EPHA6: variants seen among roughly 807,000 people sequenced by gnomAD.
EPHA6 encodes ephrin type-A receptor 6.
A neutral mutation model predicts 112.0 loss-of-function variants in EPHA6; 50 were observed. The observed-to-expected ratio is 0.45, with a 90% CI of 0.36 to 0.56. The LOEUF (loss-of-function observed/expected upper bound fraction) is 0.56. Among genes scored for constraint, EPHA6 ranks in the 20% least tolerant of loss-of-function variants. The probability of loss-of-function intolerance (pLI) is 0.00; values close to 1 mark genes in which losing one functional copy is unlikely to be tolerated. For synonymous variants in EPHA6, 529 were observed against 490.7 expected (o/e 1.08, Z -1.03); for missense variants, 1,280 against 1,417.4 (o/e 0.90, Z 1.56).
intron 5 of EPHA6, among the ~76,000 whole-genome samples, chr3:97,275,347 C>T (rs938793338): frequency 7.9e-5 from 12 of 151,044 alleles, no homozygotes; most frequent in East Asian, 4.1e-4. Context: ...TGTGAAGCCT[C>T]GTGGCAGTAC....
intron 5 of EPHA6, among the ~76,000 whole-genome samples, chr3:97,365,557 T>A (rs1183477285): frequency 1.3e-5 from 2 of 152,034 alleles, no homozygotes; most frequent in African/African-American, 4.8e-5. Context: ...AATTTTTGTA[T>A]TTTTGTATTT....
intron 5 of EPHA6, among the ~76,000 whole-genome samples, chr3:97,267,180 C>T (rs1020177761): frequency 9.2e-5 from 14 of 152,004 alleles, no homozygotes; most frequent in East Asian, 3.9e-4. Flanking sequence ...GAAAAAGTAA[C>T]GAACTGTTTC....
At position 97,502,832 on chromosome 3, in the gene EPHA6, C is replaced by CAAAA. The variant is rs397990595; in HGVS notation, c.2200+18798_2200+18801dup. Among the ~76,000 whole-genome samples, 88 of 35,890 alleles carry CAAAA rather than the reference C, an allele frequency of 2.5e-3. 18 individuals carry two copies. Among genetic ancestry groups the CAAAA allele is most frequent in the African/African-American group, 7.1e-3 (73 of 10,258 alleles). 23.5% of individuals were successfully genotyped at this position (35,890 alleles called of 152,430 possible). On this transcript the variant is annotated intron_variant, in intron 10 of 17. Transcript: ENST00000389672. ...CTGGTAAAAGAGCAAGACTCTGTCT[C>CAAAA]AAAAAAAAAAAAAAAAAAAAAAAAA...
At chr3:96,830,267 C>G (rs79043327) in intron 1 of EPHA6, among the ~76,000 whole-genome samples, 4,355 of 152,082 alleles carry the variant, frequency 0.029, 215 homozygotes, top group African/African-American at 0.097. Context: ...GAGGATATTT[C>G]CCTGAAAAAC....
intron 3 of EPHA6, among the ~76,000 whole-genome samples, chr3:97,209,592 C>T (rs2077810436): frequency 6.6e-6 from 1 of 152,136 alleles, no homozygotes; most frequent in Non-Finnish European, 1.5e-5. Flanking sequence ...TAATAACTTT[C>T]TATAAAAATG....
intron 1 of EPHA6, among the ~76,000 whole-genome samples, chr3:96,858,073 A>G (rs552695864): frequency 6.6e-6 from 1 of 152,206 alleles, no homozygotes; most frequent in Admixed American, 6.6e-5. Context: ...GAATCAAAGG[A>G]AAAAAACACC....
At chr3:97,280,223 A>G (rs1485911299) in intron 5 of EPHA6, among the ~76,000 whole-genome samples, 1 of 152,216 alleles carries the variant, frequency 6.6e-6, no homozygotes, top group Non-Finnish European at 1.5e-5. Flanking sequence ...TGAAATTGTA[A>G]AAGTGTAGCT....
chr3:96,959,908 A>G (rs2041897628), intron 2 of EPHA6, among the ~76,000 whole-genome samples: 1 of 152,050 alleles, frequency 6.6e-6, no homozygotes, highest in Non-Finnish European at 1.5e-5. Context: ...TAGAATTGGG[A>G]TGAGTAGAGA....
At chr3:97,589,870 T>C (rs555790913) in intron 11 of EPHA6, among the ~76,000 whole-genome samples, 2 of 152,356 alleles carry the variant, frequency 1.3e-5, no homozygotes, top group South Asian at 4.1e-4. Flanking sequence ...AGATTTCATT[T>C]ACTTTTTAGC....
intron 15 of EPHA6, among the ~76,000 whole-genome samples, chr3:97,723,263 A>G (rs956588000): frequency 1.3e-5 from 2 of 152,162 alleles, no homozygotes; most frequent in African/African-American, 4.8e-5. Flanking sequence ...GTAGTTTTCA[A>G]CATAGTCCAC....
intron 14 of EPHA6, chr3:97,648,572 A>C: frequency 8.3e-7 from 1 of 1,204,616 alleles, no homozygotes; most frequent in Non-Finnish European, 1.0e-6. Flanking sequence ...ATTTTAACAC[A>C]AGTGAGATCT....
chr3:97,672,338 C>T (rs2030931517), intron 14 of EPHA6, among the ~76,000 whole-genome samples: 1 of 152,078 alleles, frequency 6.6e-6, no homozygotes, highest in African/African-American at 2.4e-5. Flanking sequence ...CTTTTGTCTT[C>T]TCTTTGAAGT....
intron 2 of EPHA6, among the ~76,000 whole-genome samples, chr3:96,911,108 C>T (rs1421274034): frequency 6.6e-6 from 1 of 151,836 alleles, no homozygotes; most frequent in African/African-American, 2.4e-5. Flanking sequence ...AAAATATTAG[C>T]CTTATAAACA....
At chr3:97,022,392 C>T (rs919495665) in intron 3 of EPHA6, among the ~76,000 whole-genome samples, 1 of 152,142 alleles carries the variant, frequency 6.6e-6, no homozygotes, top group African/African-American at 2.4e-5. Context: ...TTTTCAGCTA[C>T]TTGAGTTATT....
chr3:97,685,882 A>G, intron 14 of EPHA6, among the ~76,000 whole-genome samples: 1 of 152,158 alleles, frequency 6.6e-6, no homozygotes, highest in Non-Finnish European at 1.5e-5. Flanking sequence ...ATGCAAATCT[A>G]AGATTCATAT....
chr3:97,125,432 AT>A (rs2048157252), intron 3 of EPHA6, among the ~76,000 whole-genome samples: 1 of 152,190 alleles, frequency 6.6e-6, no homozygotes, highest in South Asian at 2.1e-4. Flanking sequence ...AGATAGGAAT[AT>A]TTCTATAAAA....
chr3:97,211,046 C>T (rs185142549), intron 3 of EPHA6, among the ~76,000 whole-genome samples: 12 of 152,246 alleles, frequency 7.9e-5, no homozygotes, highest in Admixed American at 2.6e-4. Context: ...AAGAATCAGA[C>T]GAAAGCTCTA....
At chr3:97,382,883 A>G (rs2085835403) in intron 5 of EPHA6, among the ~76,000 whole-genome samples, 1 of 152,060 alleles carries the variant, frequency 6.6e-6, no homozygotes, top group African/African-American at 2.4e-5. Context: ...GTACCTAATG[A>G]TAATGTATCT....
At chr3:97,241,668 G>T (rs1330208877) in intron 4 of EPHA6, among the ~76,000 whole-genome samples, 1 of 151,022 alleles carries the variant, frequency 6.6e-6, no homozygotes, top group East Asian at 1.9e-4. Context: ...AGTTTAGCTG[G>T]CATAATTTAA....
Sources: allele counts gnomAD v4.1 joint callset (sites outside exome capture counted in the v4.1 genomes callset), GRCh38; gene constraint gnomAD v4.1.1; transcripts MANE v1.5; gene names NCBI Gene and HGNC (gene_info 2026-07-23, HGNC 2026-07-21).